MEIKIN: variants seen among roughly 807,000 people sequenced by gnomAD.
The protein encoded by MEIKIN is meiotic kinetochore factor.
intron 11 of MEIKIN, among the ~76,000 whole-genome samples, chr5:131,841,702 T>G (rs1749917317): frequency 6.6e-6 from 1 of 152,206 alleles, no homozygotes; most frequent in South Asian, 2.1e-4. Context: ...TTAACAACAT[T>G]ACTTCCTCCA....
chr5:131,928,143 CAAA>C (rs60395354), intron 5 of MEIKIN, among the ~76,000 whole-genome samples: 1 of 88,730 alleles, frequency 1.1e-5, no homozygotes. Flanking sequence ...AACTCCGTCT[CAAA>C]AAAAAAAAAA....
chr5:131,843,022 C>T (rs1160144299), intron 11 of MEIKIN, among the ~76,000 whole-genome samples: 3 of 152,196 alleles, frequency 2.0e-5, no homozygotes, highest in Non-Finnish European at 4.4e-5. Flanking sequence ...CCTGCAGGCC[C>T]AACACCATGT....
chr5:131,895,216 C>A (rs966021819), intron 8 of MEIKIN, among the ~76,000 whole-genome samples: 4 of 152,134 alleles, frequency 2.6e-5, no homozygotes, highest in South Asian at 4.1e-4. Context: ...GTTGAACCAG[C>A]CTTGCATTTC....
At chr5:131,921,345 C>CAAAATAAA (rs1247544935) in intron 6 of MEIKIN, among the ~76,000 whole-genome samples, 1 of 152,002 alleles carries the variant, frequency 6.6e-6, no homozygotes, top group African/African-American at 2.4e-5. Context: ...GACTCCATCT[C>CAAAATAAA]TAGAAAAAAT....
chr5:131,942,865 A>G (rs1255730858), intron 3 of MEIKIN, among the ~76,000 whole-genome samples, 170 bp from the exon 4 acceptor site: 1 of 152,128 alleles, frequency 6.6e-6, no homozygotes, highest in Non-Finnish European at 1.5e-5. Context: ...GATATTTAAT[A>G]TTAAACCTAA....
At chr5:131,944,111 C>CAAAAAA (rs530605601) in intron 3 of MEIKIN, among the ~76,000 whole-genome samples, 1 of 67,838 alleles carries the variant, frequency 1.5e-5, no homozygotes. Context: ...ACTCTGTCTC[C>CAAAAAA]AAAAAAAAAA....
intron 12 of MEIKIN, among the ~76,000 whole-genome samples, chr5:131,811,806 C>A (rs999617313): frequency 6.6e-6 from 1 of 152,182 alleles, no homozygotes; most frequent in Non-Finnish European, 1.5e-5. Flanking sequence ...TGGGGTTTCA[C>A]CGTGTTAGCC....
At chr5:131,862,580 C>T (rs913740393) in intron 9 of MEIKIN, among the ~76,000 whole-genome samples, 2 of 152,148 alleles carry the variant, frequency 1.3e-5, no homozygotes, top group African/African-American at 2.4e-5. Context: ...ATTAAATTTA[C>T]ATAAGCACAT....
At chr5:131,873,753 T>G (rs897652299) in intron 9 of MEIKIN, among the ~76,000 whole-genome samples, 1 of 152,142 alleles carries the variant, frequency 6.6e-6, no homozygotes, top group African/African-American at 2.4e-5. Flanking sequence ...AGTAAAGCAC[T>G]CCTCAGCAAA....
At chr5:131,835,168 A>G (rs1749779989) in intron 11 of MEIKIN, among the ~76,000 whole-genome samples, 1 of 151,404 alleles carries the variant, frequency 6.6e-6, no homozygotes, top group South Asian at 2.1e-4. Context: ...TTTGTGTTCC[A>G]TATATATATG....
At chr5:131,943,577 A>C (rs1751910408) in intron 3 of MEIKIN, among the ~76,000 whole-genome samples, 1 of 152,208 alleles carries the variant, frequency 6.6e-6, no homozygotes, top group South Asian at 2.1e-4. Flanking sequence ...CATATTTTTG[A>C]AGACTATTTA....
intron 5 of MEIKIN, among the ~76,000 whole-genome samples, chr5:131,925,810 A>G (rs1207958876): frequency 6.6e-6 from 1 of 152,062 alleles, no homozygotes; most frequent in East Asian, 1.9e-4. Flanking sequence ...CTGGGACTAC[A>G]GGCACCTGCC....
chr5:131,941,666 T>C (rs957712847), intron 4 of MEIKIN, among the ~76,000 whole-genome samples: 2 of 152,246 alleles, frequency 1.3e-5, no homozygotes, highest in African/African-American at 2.4e-5. Flanking sequence ...AATATGTAGA[T>C]GGCTCACAAA....
intron 9 of MEIKIN, among the ~76,000 whole-genome samples, chr5:131,864,829 T>C (rs1231002285): frequency 6.6e-6 from 1 of 152,218 alleles, no homozygotes; most frequent in East Asian, 1.9e-4. Context: ...TCATTTTCTC[T>C]TTGCCTTCAG....
intron 11 of MEIKIN, among the ~76,000 whole-genome samples, chr5:131,821,831 C>G (rs1200566436): frequency 6.6e-6 from 1 of 151,642 alleles, no homozygotes; most frequent in Non-Finnish European, 1.5e-5. Flanking sequence ...CACTTTGTTA[C>G]CCAGGCTGGT....
At chr5:131,811,735 T>C (rs1248145667) in intron 12 of MEIKIN, among the ~76,000 whole-genome samples, 2 of 152,170 alleles carry the variant, frequency 1.3e-5, no homozygotes, top group Non-Finnish European at 2.9e-5. Flanking sequence ...GCCTCCTGAA[T>C]AGCTGGGCCT....
At chr5:131,935,429 G>A (rs150138312) in intron 4 of MEIKIN, among the ~76,000 whole-genome samples, 3 of 152,222 alleles carry the variant, frequency 2.0e-5, no homozygotes, top group East Asian at 3.9e-4. Flanking sequence ...TATGGGAGTG[G>A]ACTAGAATGA....
chr5:131,888,793 C>T (rs1416755989), intron 8 of MEIKIN, among the ~76,000 whole-genome samples: 13 of 152,254 alleles, frequency 8.5e-5, no homozygotes, highest in South Asian at 4.2e-4. Context: ...CCCATGCCTA[C>T]GTCCTGAATG....
intron 9 of MEIKIN, among the ~76,000 whole-genome samples, chr5:131,876,115 C>A (rs916117364): frequency 8.5e-5 from 13 of 152,162 alleles, no homozygotes; most frequent in African/African-American, 2.9e-4. Context: ...ACACCAGAAG[C>A]AATGGCAACA....
Sources: gnomAD v4.1 joint callset for allele counts (sites outside exome capture counted in the v4.1 genomes callset) on GRCh38, gnomAD v4.1.1 for gene constraint, MANE v1.5 for transcripts, NCBI Gene and HGNC (gene_info 2026-07-23, HGNC 2026-07-21) for gene names.